The following CDC5L variants were observed in gnomAD, a reference collection of about 807,000 sequenced individuals.
The protein encoded by CDC5L is cell division cycle 5 like.
Under a neutral mutation model 104.1 loss-of-function variants are expected in CDC5L, and 18 were observed. The ratio of observed to expected loss-of-function variants is 0.17; its 90% confidence interval spans 0.12 to 0.26. The LOEUF is 0.26. CDC5L is among the 10% of genes least tolerant of loss of function. The probability of loss-of-function intolerance (pLI) is 1.00; values close to 1 mark genes in which losing one functional copy is unlikely to be tolerated. For synonymous variants in CDC5L, 331 were observed against 322.7 expected, an observed-to-expected ratio of 1.03 and a Z score of -0.28; for missense variants, 673 against 956.9, an observed-to-expected ratio of 0.70 and a Z score of 3.91.
In CDC5L at chr6:44,390,354, G is replaced by A; in HGVS notation, c.132G>A (p.Lys44=). The change falls in exon 2 of 16, where the codon AAG becomes AAA. Residue 44 remains lysine, a synonymous_variant. Transcript: ENST00000371477. ...CATTGCTGCATAGAAAATCAGCAAA[G>A]CAGTGCAAAGCCAGATGGTATGTAT... is the stretch of plus-strand genomic sequence containing the variant. ...IASLLHRKSA[K]QCKARWYEWL... 1 of 1,608,634 alleles carries A rather than the reference G, an allele frequency of 6.2e-7. No individual in the cohort carries two copies. Among genetic ancestry groups the A allele is most frequent in the Non-Finnish European group, 8.5e-7 (1 of 1,175,418 alleles).
At chr6:44,417,889 GC>G in intron 8 of CDC5L, among the ~76,000 whole-genome samples, 1 of 152,270 alleles carries the variant, frequency 6.6e-6, no homozygotes, top group East Asian at 1.9e-4. Flanking sequence ...CAGACATTTG[GC>G]CTAAGCTGGG....
At chr6:44,414,431 TA>T (rs1164023731) in intron 8 of CDC5L, among the ~76,000 whole-genome samples, 25 of 142,332 alleles carry the variant, frequency 1.8e-4, no homozygotes, top group Middle Eastern at 3.5e-3. Flanking sequence ...TGTGTGTGTG[TA>T]TTTTTTTTTA....
chr6:44,398,252 T>G (rs1790961527), intron 5 of CDC5L, among the ~76,000 whole-genome samples: 1 of 152,160 alleles, frequency 6.6e-6, no homozygotes, highest in Non-Finnish European at 1.5e-5. Context: ...TTCTGTATAC[T>G]CTTCAGAGTT....
intron 14 of CDC5L, among the ~76,000 whole-genome samples, chr6:44,443,906 G>C (rs148915902): frequency 5.5e-4 from 83 of 150,414 alleles, no homozygotes; most frequent in African/African-American, 1.8e-3. Flanking sequence ...GACTCTCTCT[G>C]TGTTGGTTTC....
intron 4 of CDC5L, among the ~76,000 whole-genome samples, chr6:44,394,574 G>A (rs1337345959): frequency 6.6e-6 from 1 of 152,028 alleles, no homozygotes; most frequent in Non-Finnish European, 1.5e-5. Context: ...AGAAAATGTG[G>A]ACTGGGCATG....
intron 14 of CDC5L, among the ~76,000 whole-genome samples, chr6:44,442,049 G>C (rs1482460241): frequency 1.3e-5 from 2 of 148,556 alleles, no homozygotes; most frequent in Admixed American, 1.4e-4. Context: ...CTATTCTGCT[G>C]CCTCAGCCTC....
intron 14 of CDC5L, among the ~76,000 whole-genome samples, chr6:44,432,496 C>T (rs981749464): frequency 4.0e-5 from 6 of 151,364 alleles, no homozygotes; most frequent in Admixed American, 6.6e-5. Context: ...CCAGCTTTGT[C>T]GTGGCTGGTG....
intron 14 of CDC5L, among the ~76,000 whole-genome samples, chr6:44,438,953 AT>A (rs1793060650): frequency 6.6e-6 from 1 of 152,182 alleles, no homozygotes; most frequent in African/African-American, 2.4e-5. Flanking sequence ...TTGTGCAACC[AT>A]TATTGGAACA....
intron 10 of CDC5L, among the ~76,000 whole-genome samples, chr6:44,423,379 T>C (rs1205974575): frequency 6.6e-6 from 1 of 152,204 alleles, no homozygotes; most frequent in Admixed American, 6.5e-5. Flanking sequence ...TGAGGGGATC[T>C]AAAGTTGAAT....
chr6:44,404,105 C>T lies in CDC5L; in HGVS notation c.758+78C>T, dbSNP rs544341529. The T allele has an allele frequency of 7.6e-5, 66 of 872,314 alleles. 2 individuals are homozygous for T. The highest frequency in any genetic ancestry group is 5.6e-4 in the South Asian group (26 of 46,328). The allele number at this position is 872,314 out of a possible 1,614,324, so 54.0% of individuals were successfully genotyped here. Reference sequence around the variant, plus strand: ...ACGAAGGGCCAAGTATTATCCTTGTCAGAGCCAGATTTTTATTATTTATTT... The same window carrying T: ...ACGAAGGGCCAAGTATTATCCTTGTTAGAGCCAGATTTTTATTATTTATTT... On this transcript the variant is annotated intron_variant, in intron 6 of 15. Coordinates refer to ENST00000371477, the MANE Select transcript of CDC5L (RefSeq NM_001253.4).
intron 3 of CDC5L, among the ~76,000 whole-genome samples, chr6:44,393,122 G>A (rs1790692100): frequency 6.8e-6 from 1 of 147,416 alleles, no homozygotes; most frequent in Non-Finnish European, 1.5e-5. Flanking sequence ...TAATCACACT[G>A]CTAAGAATTA....
chr6:44,441,253 CT>C (rs1793174289), intron 14 of CDC5L, among the ~76,000 whole-genome samples: 1 of 152,192 alleles, frequency 6.6e-6, no homozygotes, highest in African/African-American at 2.4e-5. Context: ...ATTTGGCTTT[CT>C]GTGCCTGGCT....
intron 14 of CDC5L, among the ~76,000 whole-genome samples, chr6:44,432,831 T>G (rs1332094053): frequency 6.6e-6 from 1 of 152,150 alleles, no homozygotes. Flanking sequence ...TGCCAGACTT[T>G]TGTGTGTAAA....
intron 14 of CDC5L, among the ~76,000 whole-genome samples, chr6:44,434,802 T>C (rs562246234): frequency 6.6e-6 from 1 of 152,294 alleles, no homozygotes; most frequent in African/African-American, 2.4e-5. Context: ...AGTTACACTT[T>C]CATAAGTCCC....
chr6:44,413,263 G>A (rs552078715), intron 8 of CDC5L, among the ~76,000 whole-genome samples: 1 of 152,188 alleles, frequency 6.6e-6, no homozygotes, highest in South Asian at 2.1e-4. Context: ...TTTGTGACTG[G>A]CTTTTTTCAC....
intron 12 of CDC5L, 114 bp downstream of exon 12, chr6:44,426,297 T>C (rs1221449451): frequency 1.3e-6 from 1 of 794,186 alleles, no homozygotes; most frequent in African/African-American, 1.8e-5. Flanking sequence ...TTCTGGAATA[T>C]AGCAAAGTAG....
chr6:44,405,315 T>G (rs1791315790), intron 6 of CDC5L, among the ~76,000 whole-genome samples: 1 of 152,240 alleles, frequency 6.6e-6, no homozygotes, highest in Admixed American at 6.5e-5. Context: ...TTAGATGTAC[T>G]CCATTGTATT....
At chr6:44,409,521 A>G (rs1791535458) in intron 8 of CDC5L, among the ~76,000 whole-genome samples, 1 of 152,200 alleles carries the variant, frequency 6.6e-6, no homozygotes, top group Non-Finnish European at 1.5e-5. Context: ...ATTCGTACAT[A>G]TAGTTTGTAA....
chr6:44,397,432 C>G (rs1176905680), intron 5 of CDC5L, among the ~76,000 whole-genome samples: 1 of 152,150 alleles, frequency 6.6e-6, no homozygotes, highest in Non-Finnish European at 1.5e-5. Context: ...TCTTTACCTT[C>G]TTTATTTCTC....
Sources: gnomAD v4.1 joint callset for allele counts (sites outside exome capture counted in the v4.1 genomes callset) on GRCh38, gnomAD v4.1.1 for gene constraint, MANE v1.5 for transcripts, NCBI Gene and HGNC (gene_info 2026-07-23, HGNC 2026-07-21) for gene names.